Variants in DENND4C observed in about 807,000 individuals in gnomAD.
DENND4C encodes DENN domain containing 4C.
Under a neutral mutation model 203.0 loss-of-function variants are expected in DENND4C, and 108 were observed. The ratio of observed to expected loss-of-function variants is 0.53; its 90% CI spans 0.46 to 0.62. DENND4C has a LOEUF of 0.62. DENND4C is among the 20% of genes least tolerant of loss of function. The pLI, the probability that DENND4C is intolerant of heterozygous loss-of-function variation, is 0.00. For synonymous variants in DENND4C, 871 were observed against 792.4 expected, an observed-to-expected ratio of 1.10 and a Z score of -1.67; for missense variants, 2,481 against 2,301.2, an observed-to-expected ratio of 1.08 and a Z score of -1.60.
At chr9:19,313,183 T>A (rs911784301) in intron 10 of DENND4C, among the ~76,000 whole-genome samples, 1 of 152,326 alleles carries the variant, frequency 6.6e-6, no homozygotes. Context: ...TTTTTTAATA[T>A]GGGTACTTAG....
chr9:19,259,505 C>CTT lies in DENND4C; in HGVS notation c.-17-16638_-17-16637dup, dbSNP rs1021585159. 1.5e-3 allele frequency among the ~76,000 whole-genome samples: 199 copies of CTT among 131,450 alleles called. 2 individuals carry two copies. In the East Asian group the frequency reaches 0.023, roughly 15 times the overall value. 86.2% of individuals were successfully genotyped at this position (131,450 alleles called of 152,430 possible). ...TATACCATATTTTCTTTTCTTTTTT[C>CTT]TTTTTTTTTTTTTTTTGAGATGGAG... On this transcript the variant is annotated intron_variant, in intron 1 of 32. Coordinates refer to ENST00000434457, the MANE Select transcript of DENND4C (RefSeq NM_001330640.2).
chr9:19,352,051 T>TA (rs755722727), intron 24 of DENND4C, 22 bp from the exon 25 acceptor site: 2 of 1,579,488 alleles, frequency 1.3e-6, no homozygotes, highest in South Asian at 1.1e-5. Context: ...CTTAAGGTAT[T>TA]ACGATGTATA....
chr9:19,319,924 A>G (rs1842601471), intron 12 of DENND4C, among the ~76,000 whole-genome samples: 1 of 152,144 alleles, frequency 6.6e-6, no homozygotes, highest in South Asian at 2.1e-4. Flanking sequence ...AAAAAAAGCA[A>G]TAGGAATTAA....
intron 20 of DENND4C, among the ~76,000 whole-genome samples, chr9:19,339,007 T>G (rs1821062779): frequency 6.6e-6 from 1 of 152,242 alleles, no homozygotes. Flanking sequence ...TTAAAATATT[T>G]GAAATAACTT....
At chr9:19,307,883 C>T (rs1452504553) in intron 10 of DENND4C, among the ~76,000 whole-genome samples, 2 of 151,900 alleles carry the variant, frequency 1.3e-5, no homozygotes, top group African/African-American at 4.8e-5. Flanking sequence ...CAACCATCAT[C>T]TTGGATAAAC....
At chr9:19,330,773 G>C (rs1818935830) in intron 16 of DENND4C, among the ~76,000 whole-genome samples, 1 of 151,992 alleles carries the variant, frequency 6.6e-6, no homozygotes, top group South Asian at 2.1e-4. Flanking sequence ...CAGATGGCTG[G>C]GCACGGCAGC....
At chr9:19,361,431 A>C (rs1433593298) in intron 29 of DENND4C, among the ~76,000 whole-genome samples, 3 of 152,202 alleles carry the variant, frequency 2.0e-5, no homozygotes, top group East Asian at 3.8e-4. Flanking sequence ...TTATAGGATT[A>C]ATATTGATAG....
At chr9:19,324,169 C>T (rs542886951) in intron 12 of DENND4C, among the ~76,000 whole-genome samples, 193 bp from the exon 13 acceptor site, 6 of 151,346 alleles carry the variant, frequency 4.0e-5, no homozygotes, top group Non-Finnish European at 7.4e-5. Context: ...AAAAAAAATC[C>T]GAAATCTGAA....
intron 12 of DENND4C, among the ~76,000 whole-genome samples, chr9:19,317,181 C>CTTTTTTTT (rs11331413): frequency 7.9e-6 from 1 of 126,976 alleles, no homozygotes; most frequent in Non-Finnish European, 1.7e-5. Flanking sequence ...GATTTGTACA[C>CTTTTTTTT]TTTTTTTTTT....
chr9:19,302,022 T>C (rs1004721306), intron 9 of DENND4C, among the ~76,000 whole-genome samples: 10 of 152,206 alleles, frequency 6.6e-5, no homozygotes, highest in Admixed American at 5.2e-4. Flanking sequence ...GCCAAGTCTT[T>C]TGATGGATTT....
intron 1 of DENND4C, among the ~76,000 whole-genome samples, chr9:19,268,596 G>A (rs1288582289): frequency 6.6e-6 from 1 of 152,098 alleles, no homozygotes; most frequent in African/African-American, 2.4e-5. Flanking sequence ...ACTCCCTTTA[G>A]TATTTCCTGT....
intron 1 of DENND4C, among the ~76,000 whole-genome samples, chr9:19,239,752 C>T (rs896029091): frequency 1.3e-5 from 2 of 152,146 alleles, no homozygotes; most frequent in African/African-American, 4.8e-5. Context: ...TCCCAAAGTA[C>T]TGTGATTACA....
intron 30 of DENND4C, among the ~76,000 whole-genome samples, chr9:19,364,610 G>A (rs1827223395): frequency 6.6e-6 from 1 of 152,120 alleles, no homozygotes; most frequent in Non-Finnish European, 1.5e-5. Context: ...TTTTGCCCAG[G>A]GGCTGGGCAC....
chr9:19,320,690 T>C (rs955841101), intron 12 of DENND4C, among the ~76,000 whole-genome samples: 1 of 152,228 alleles, frequency 6.6e-6, no homozygotes, highest in Non-Finnish European at 1.5e-5. Context: ...CACTTCTTCC[T>C]ATTGCATCAT....
At chr9:19,313,617 T>G (rs1461034709) in intron 10 of DENND4C, among the ~76,000 whole-genome samples, 1 of 152,200 alleles carries the variant, frequency 6.6e-6, no homozygotes, top group Non-Finnish European at 1.5e-5. Flanking sequence ...AAGACACAGT[T>G]TCAAGAGACG....
At position 19,372,826 on chromosome 9, in the gene DENND4C, ACTCCAG is replaced by A. The variant is rs1829056667; in HGVS notation, c.*656_*661del. The A allele has an allele frequency of 1.4e-5, 2 of 144,574 alleles. No homozygotes were observed. Among genetic ancestry groups the A allele is most frequent in the South Asian group, 4.4e-4 (2 of 4,506 alleles). The allele number at this position is 144,574 out of a possible 1,614,324, so 9.0% of individuals were successfully genotyped here. A position where few individuals can be genotyped will look rare whatever the true frequency, so the allele number is the denominator to read the frequency against. On this transcript the variant is annotated 3_prime_UTR_variant, in exon 33 of 33. Transcript: ENST00000434457. Reference sequence around the variant, plus strand: ...AGTGAGTGGAGATCACGCCACTGCAACTCCAGCTTGGGTGACAGAGTGAGACCGTCT... The same window carrying A: ...AGTGAGTGGAGATCACGCCACTGCAACTTGGGTGACAGAGTGAGACCGTCT...
chr9:19,264,521 G>C (rs1206878126), intron 1 of DENND4C, among the ~76,000 whole-genome samples: 2 of 151,828 alleles, frequency 1.3e-5, no homozygotes, highest in African/African-American at 2.4e-5. Context: ...TGGCCAGGCT[G>C]GTCTTGAACT....
intron 2 of DENND4C, among the ~76,000 whole-genome samples, chr9:19,281,029 CTG>C (rs1833945122): frequency 6.6e-6 from 1 of 152,206 alleles, no homozygotes; most frequent in African/African-American, 2.4e-5. Context: ...GAGTGAGCCA[CTG>C]TGCCGGGCCA....
chr9:19,272,439 CA>C (rs1831915221), intron 1 of DENND4C, among the ~76,000 whole-genome samples: 1 of 151,356 alleles, frequency 6.6e-6, no homozygotes, highest in African/African-American at 2.4e-5. Context: ...AAAACAAAAA[CA>C]AAAAACAAAA....
Sources: gnomAD v4.1 joint callset for allele counts (sites outside exome capture counted in the v4.1 genomes callset) on GRCh38, gnomAD v4.1.1 for gene constraint, MANE v1.5 for transcripts, NCBI Gene and HGNC (gene_info 2026-07-23, HGNC 2026-07-21) for gene names.